HTR2C: variants seen among roughly 807,000 people sequenced by gnomAD.
The protein encoded by HTR2C is 5-hydroxytryptamine receptor 2C.
HTR2C carries 5 observed loss-of-function variants against 21.0 expected under a neutral mutation model. The ratio of observed to expected loss-of-function variants is 0.24; its 90% CI spans 0.12 to 0.50. The LOEUF is 0.50. HTR2C is among the 20% of genes least tolerant of loss of function. The probability of loss-of-function intolerance (pLI) is 0.98; values close to 1 mark genes in which losing one functional copy is unlikely to be tolerated. For synonymous variants in HTR2C, 150 were observed against 145.3 expected (o/e 1.03, Z -0.23); for missense variants, 271 against 371.2 (o/e 0.73, Z 2.22).
At chrX:114,873,524 A>G (rs1201819742) in intron 5 of HTR2C, among the ~76,000 whole-genome samples, 1 of 111,960 alleles carries the variant, frequency 8.9e-6, no homozygotes, top group African/African-American at 3.2e-5. Flanking sequence ...TTAATTTATC[A>G]GTACAACACC....
At chrX:114,737,509 C>T (rs927752768) in intron 4 of HTR2C, among the ~76,000 whole-genome samples, 1 of 111,232 alleles carries the variant, frequency 9.0e-6, no homozygotes, top group Non-Finnish European at 1.9e-5. Flanking sequence ...CGTGAGCCAG[C>T]GCGCCAGGGC....
At chrX:114,801,380 T>G (rs782202474) in intron 4 of HTR2C, among the ~76,000 whole-genome samples, 1 of 111,499 alleles carries the variant, frequency 9.0e-6, no homozygotes, top group South Asian at 3.7e-4. Flanking sequence ...TATCCTGATG[T>G]GGTAAAATAA....
chrX:114,654,556 A>T (rs376223343), intron 2 of HTR2C, among the ~76,000 whole-genome samples: 168 of 107,780 alleles, frequency 1.6e-3, no homozygotes, highest in African/African-American at 5.4e-3. Flanking sequence ...TTTTTTTTTT[A>T]CTGGCACTGA....
intron 2 of HTR2C, among the ~76,000 whole-genome samples, chrX:114,622,514 C>T (rs1556401994): frequency 1.8e-5 from 2 of 111,775 alleles, no homozygotes; most frequent in Non-Finnish European, 1.9e-5. Context: ...CATTTCCCCA[C>T]AGGATGCTGT....
At chrX:114,733,458 C>T (rs781832663) in intron 4 of HTR2C, among the ~76,000 whole-genome samples, 1 of 107,648 alleles carries the variant, frequency 9.3e-6, no homozygotes, top group South Asian at 4.1e-4. Flanking sequence ...ACCCCAAGTA[C>T]GAAAATACTG....
intron 5 of HTR2C, among the ~76,000 whole-genome samples, chrX:114,875,817 G>C (rs1447620953): frequency 9.4e-6 from 1 of 106,210 alleles, no homozygotes; most frequent in Non-Finnish European, 1.9e-5. Context: ...TTGAAATAAA[G>C]ACATATGATG....
At chrX:114,822,547 T>C (rs139547925) in intron 4 of HTR2C, among the ~76,000 whole-genome samples, 32 of 112,375 alleles carry the variant, frequency 2.8e-4, no homozygotes, top group Middle Eastern at 4.6e-3. Context: ...TTGTCTTCCA[T>C]TCAACTCTGA....
At chrX:114,613,785 T>C (rs1556399222) in intron 1 of HTR2C, 30 bp from the exon 2 acceptor site, 1 of 112,013 alleles carries the variant, frequency 8.9e-6, no homozygotes, top group Non-Finnish European at 1.9e-5. Flanking sequence ...ATGGAGTTCT[T>C]ACTGCATTTT....
chrX:114,816,553 C>T (rs1382715714), intron 4 of HTR2C, among the ~76,000 whole-genome samples: 1 of 110,307 alleles, frequency 9.1e-6, no homozygotes, highest in Non-Finnish European at 1.9e-5. Flanking sequence ...ACACCATAAA[C>T]TATAGTTCAT....
chrX:114,682,878 A>T (rs1447410197), intron 2 of HTR2C, among the ~76,000 whole-genome samples: 8 of 111,912 alleles, frequency 7.1e-5, no homozygotes, highest in African/African-American at 2.3e-4. Context: ...CTTGAAAAGG[A>T]GCAATTTGCC....
At chrX:114,890,615 TA>T (rs1239282291) in intron 5 of HTR2C, among the ~76,000 whole-genome samples, 4 of 112,341 alleles carry the variant, frequency 3.6e-5, no homozygotes, top group Non-Finnish European at 7.5e-5. Context: ...TCTTACTGGA[TA>T]TAGAATTGTT....
chrX:114,825,140 A>G (rs1556457900), intron 4 of HTR2C, among the ~76,000 whole-genome samples: 1 of 111,113 alleles, frequency 9.0e-6, no homozygotes, highest in Non-Finnish European at 1.9e-5. Context: ...TTCTGCTTTT[A>G]TATTTATTTA....
intron 4 of HTR2C, among the ~76,000 whole-genome samples, chrX:114,748,289 C>G (rs183585355): frequency 9.0e-6 from 1 of 111,715 alleles, no homozygotes; most frequent in Non-Finnish European, 1.9e-5. Flanking sequence ...AGAGATATAT[C>G]CTGATTATGG....
At chrX:114,864,121 A>G (rs1556473836) in intron 5 of HTR2C, among the ~76,000 whole-genome samples, 1 of 108,387 alleles carries the variant, frequency 9.2e-6, no homozygotes, top group African/African-American at 3.4e-5. Flanking sequence ...AATTTAATCC[A>G]TTTACATTCA....
intron 4 of HTR2C, among the ~76,000 whole-genome samples, chrX:114,787,674 G>A (rs1055995407): frequency 2.7e-5 from 3 of 111,930 alleles, no homozygotes; most frequent in Non-Finnish European, 3.8e-5. Flanking sequence ...TAGGCCAGGC[G>A]CGGTGGCTCA....
At chrX:114,813,632 G>C in intron 4 of HTR2C, among the ~76,000 whole-genome samples, 1 of 111,385 alleles carries the variant, frequency 9.0e-6, no homozygotes, top group East Asian at 2.8e-4. Flanking sequence ...CGCTGTAACA[G>C]CTAGGCTTTA....
chrX:114,719,448 C>A (rs1434629183), intron 2 of HTR2C, among the ~76,000 whole-genome samples: 1 of 111,148 alleles, frequency 9.0e-6, no homozygotes, highest in Non-Finnish European at 1.9e-5. Context: ...AGTGGCCTGG[C>A]CATTTGGGGA....
At chrX:114,854,164 G>T (rs2070940440) in intron 5 of HTR2C, among the ~76,000 whole-genome samples, 1 of 110,853 alleles carries the variant, frequency 9.0e-6, no homozygotes, top group Non-Finnish European at 1.9e-5. Flanking sequence ...AAACTTTTTG[G>T]TCTAGTGATC....
intron 4 of HTR2C, among the ~76,000 whole-genome samples, chrX:114,742,167 A>G (rs1466752967): frequency 9.0e-6 from 1 of 111,647 alleles, no homozygotes; most frequent in Non-Finnish European, 1.9e-5. Context: ...AGCAGACCAG[A>G]AAAAGAGGAC....
Sources: gnomAD v4.1 joint callset for allele counts (sites outside exome capture counted in the v4.1 genomes callset) on GRCh38, gnomAD v4.1.1 for gene constraint, MANE v1.5 for transcripts, NCBI Gene and HGNC (gene_info 2026-07-23, HGNC 2026-07-21) for gene names.